Variants in SPAG16 observed in about 807,000 individuals in gnomAD.
SPAG16 encodes the protein sperm associated antigen 16, also known as sperm-associated antigen 16 protein.
Under a neutral mutation model 80.4 loss-of-function variants are expected in SPAG16, and 86 were observed. That is an observed-to-expected ratio of 1.07 (90% CI 0.90 to 1.28). SPAG16 has a LOEUF of 1.28. Ranked by LOEUF, SPAG16 falls within the 50% of genes most tolerant of loss-of-function variation. The pLI, the probability that SPAG16 is intolerant of heterozygous loss-of-function variation, is 0.00. For synonymous variants in SPAG16, 294 were observed against 265.9 expected, an observed-to-expected ratio of 1.11 and a Z score of -1.03; for missense variants, 870 against 765.3, an observed-to-expected ratio of 1.14 and a Z score of -1.61.
intron 10 of SPAG16, among the ~76,000 whole-genome samples, chr2:213,644,284 A>G (rs928816879): frequency 6.6e-6 from 1 of 151,980 alleles, no homozygotes; most frequent in Non-Finnish European, 1.5e-5. Context: ...TTTCTTCAGC[A>G]CAGCTATTTT....
chr2:213,374,966 G>A (rs1467778899), intron 8 of SPAG16, 44 bp from the exon 9 acceptor site: 17 of 1,401,104 alleles, frequency 1.2e-5, no homozygotes, highest in East Asian at 5.0e-5. Context: ...ATTTTATACC[G>A]ATAAACAGTG....
intron 15 of SPAG16, among the ~76,000 whole-genome samples, chr2:214,344,092 C>T (rs188269264): frequency 1.6e-4 from 25 of 152,112 alleles, no homozygotes; most frequent in African/African-American, 4.6e-4. Flanking sequence ...TCATCAAGTA[C>T]CATTTATTGA....
At chr2:214,322,356 G>A (rs1228520553) in intron 15 of SPAG16, among the ~76,000 whole-genome samples, 1 of 152,096 alleles carries the variant, frequency 6.6e-6, no homozygotes, top group Admixed American at 6.6e-5. Flanking sequence ...TATTCCCCAT[G>A]TTTTATTCTT....
At chr2:214,198,010 A>G (rs1469696579) in intron 15 of SPAG16, among the ~76,000 whole-genome samples, 3 of 152,074 alleles carry the variant, frequency 2.0e-5, no homozygotes, top group South Asian at 4.1e-4. Context: ...GACTCCACAA[A>G]TAAATCGTGT....
intron 11 of SPAG16, among the ~76,000 whole-genome samples, chr2:213,903,315 C>G (rs1307557063): frequency 6.6e-6 from 1 of 152,210 alleles, no homozygotes; most frequent in East Asian, 1.9e-4. Context: ...AAACTTCTGC[C>G]TGGACATCCA....
intron 15 of SPAG16, among the ~76,000 whole-genome samples, chr2:214,270,076 T>C (rs1454011163): frequency 1.3e-5 from 2 of 152,168 alleles, no homozygotes; most frequent in African/African-American, 4.8e-5. Flanking sequence ...TCCTTTAAAA[T>C]TGGAATTTCA....
chr2:213,699,100 G>A (rs1032571643), intron 10 of SPAG16, among the ~76,000 whole-genome samples: 5 of 151,992 alleles, frequency 3.3e-5, no homozygotes, highest in African/African-American at 7.3e-5. Context: ...CTCCTACAAC[G>A]TTTGATGTTC....
At chr2:213,942,232 GA>G (rs1229083472) in intron 12 of SPAG16, among the ~76,000 whole-genome samples, 1 of 151,980 alleles carries the variant, frequency 6.6e-6, no homozygotes, top group African/African-American at 2.4e-5. Context: ...CATAGCTATG[GA>G]AAAAAATCAG....
intron 10 of SPAG16, among the ~76,000 whole-genome samples, chr2:213,645,039 C>T (rs1394109974): frequency 3.3e-5 from 5 of 152,296 alleles, no homozygotes; most frequent in Non-Finnish European, 4.4e-5. Context: ...GTATTGTATT[C>T]GGCTGAGCTA....
chr2:213,998,729 A>G (rs1205300381), intron 12 of SPAG16, among the ~76,000 whole-genome samples: 4 of 152,184 alleles, frequency 2.6e-5, no homozygotes, highest in African/African-American at 9.7e-5. Flanking sequence ...AATGGCTTTG[A>G]CCAAAAGCTT....
At chr2:214,288,918 G>A (rs1693587310) in intron 15 of SPAG16, among the ~76,000 whole-genome samples, 2 of 152,030 alleles carry the variant, frequency 1.3e-5, no homozygotes, top group African/African-American at 4.8e-5. Flanking sequence ...ACAGGCACCT[G>A]CCATCACGCC....
At chr2:213,736,003 T>C (rs2067265327) in intron 10 of SPAG16, among the ~76,000 whole-genome samples, 1 of 152,192 alleles carries the variant, frequency 6.6e-6, no homozygotes, top group Non-Finnish European at 1.5e-5. Flanking sequence ...TTGATATTTA[T>C]GGAGATTAAG....
intron 13 of SPAG16, among the ~76,000 whole-genome samples, chr2:214,086,035 T>C (rs528422548): frequency 6.6e-6 from 1 of 152,372 alleles, no homozygotes; most frequent in Non-Finnish European, 1.5e-5. Flanking sequence ...TTTAAATTAC[T>C]CCGAACATAT....
At chr2:214,405,083 G>C (rs760474067) in intron 15 of SPAG16, among the ~76,000 whole-genome samples, 8 of 152,062 alleles carry the variant, frequency 5.3e-5, no homozygotes, top group Non-Finnish European at 8.8e-5. Flanking sequence ...TATTCATAAA[G>C]AGGCCCCAAA....
At chr2:213,883,402 T>C (rs1204173399) in intron 11 of SPAG16, among the ~76,000 whole-genome samples, 2 of 152,206 alleles carry the variant, frequency 1.3e-5, no homozygotes, top group Non-Finnish European at 2.9e-5. Context: ...TAATCTTTTT[T>C]TAATTGAGAC....
At chr2:213,723,366 C>T (rs1281584671) in intron 10 of SPAG16, among the ~76,000 whole-genome samples, 2 of 152,124 alleles carry the variant, frequency 1.3e-5, no homozygotes, top group Admixed American at 1.3e-4. Flanking sequence ...CTTAGGAAAC[C>T]CACTGTGTTT....
At chr2:213,922,366 T>C (rs2078264610) in intron 11 of SPAG16, among the ~76,000 whole-genome samples, 2 of 152,228 alleles carry the variant, frequency 1.3e-5, no homozygotes. Context: ...ATGTTTCTTA[T>C]CTCTATTAGA....
At chr2:214,280,757 C>T (rs914282428) in intron 15 of SPAG16, 41 of 425,950 alleles carry the variant, frequency 9.6e-5, no homozygotes, top group Non-Finnish European at 1.3e-4. Context: ...ATTTCCTGGG[C>T]GTCTTCTCAT....
intron 8 of SPAG16, 154 bp downstream of exon 8, chr2:213,364,299 A>G (rs2066157091): frequency 7.7e-6 from 3 of 391,326 alleles, no homozygotes; most frequent in South Asian, 7.7e-5. Flanking sequence ...AGAAATATAG[A>G]TATCATACTG....
Sources: allele counts gnomAD v4.1 joint callset (sites outside exome capture counted in the v4.1 genomes callset), GRCh38; gene constraint gnomAD v4.1.1; transcripts MANE v1.5; gene names NCBI Gene and HGNC (gene_info 2026-07-23, HGNC 2026-07-21).